Variants in WDR43 observed in about 807,000 individuals in gnomAD.
WDR43 encodes WD repeat-containing protein 43.
A neutral mutation model predicts 91.4 loss-of-function variants in WDR43; 13 were observed. The observed-to-expected ratio is 0.14, with a 90% confidence interval of 0.09 to 0.23. The LOEUF is 0.23. WDR43 is among the 10% of genes least tolerant of loss of function. The pLI is 1.00. For missense variants in WDR43, 780 were observed against 809.4 expected (o/e 0.96, Z 0.44); for synonymous variants, 331 against 287.9 (o/e 1.15, Z -1.51).
chr2:28,929,972 T>C, intron 11 of WDR43: 1 of 565,850 alleles, frequency 1.8e-6, no homozygotes, highest in South Asian at 1.6e-5. Flanking sequence ...TTATTAGGCT[T>C]TAGTTCATAA....
At chr2:28,901,430 C>T (rs1670575870) in intron 1 of WDR43, among the ~76,000 whole-genome samples, 1 of 152,214 alleles carries the variant, frequency 6.6e-6, no homozygotes, top group African/African-American at 2.4e-5. Context: ...CTCTTGTGTG[C>T]TCTGAGCTGC....
chr2:28,901,111 G>A (rs1419826814), intron 1 of WDR43, among the ~76,000 whole-genome samples: 4 of 152,020 alleles, frequency 2.6e-5, no homozygotes. Context: ...CTTTTCTATG[G>A]TATTGGCTTG....
intron 8 of WDR43, 91 bp downstream of exon 8, chr2:28,925,244 G>T: frequency 8.3e-7 from 1 of 1,206,512 alleles, no homozygotes; most frequent in Non-Finnish European, 1.1e-6. Context: ...TGGTCTTTAA[G>T]ATAAATAATA....
Position 28,922,958 on chromosome 2 carries a change from C to G in WDR43, c.889C>G (p.His297Asp). The G allele has an allele frequency of 6.2e-7, 1 of 1,610,810 alleles. No homozygotes were observed. Among genetic ancestry groups the G allele is most frequent in the Non-Finnish European group, 8.5e-7 (1 of 1,179,134 alleles). The change falls in exon 7 of 18, where the codon CAT becomes GAT. Residue 297 changes from histidine to aspartate, a missense_variant. Around this residue, in one of 4 missense-constraint regions of WDR43, gnomAD observed 426 missense variants for 467.8 expected, o/e 0.91. Coordinates refer to ENST00000407426, the MANE Select transcript of WDR43 (RefSeq NM_015131.3). ...TGTTGTTTGCAGAGATGGTCAAGTC[C>G]ATCTTTTTGAACACATATTAAATGG... is the stretch of plus-strand genomic sequence containing the variant. ...LAVVCRDGQV[H>D]LFEHILNGYC...
intron 10 of WDR43, among the ~76,000 whole-genome samples, 165 bp from the exon 11 acceptor site, chr2:28,929,414 T>C (rs1323005244): frequency 6.6e-6 from 1 of 151,894 alleles, no homozygotes; most frequent in Non-Finnish European, 1.5e-5. Flanking sequence ...GTCTCCAACA[T>C]TGGCATTATG....
chr2:28,905,605 T>G (rs1670663423), intron 2 of WDR43, among the ~76,000 whole-genome samples: 1 of 152,146 alleles, frequency 6.6e-6, no homozygotes, highest in Admixed American at 6.5e-5. Flanking sequence ...TATTTATTTT[T>G]AAACAGGAGA....
chr2:28,928,718 G>T (rs1159742748), intron 10 of WDR43, among the ~76,000 whole-genome samples: 2 of 152,148 alleles, frequency 1.3e-5, no homozygotes, highest in Non-Finnish European at 2.9e-5. Flanking sequence ...GTCTCATTCT[G>T]TCACCCAGAC....
intron 6 of WDR43, among the ~76,000 whole-genome samples, chr2:28,919,366 G>A (rs1394148545): frequency 1.3e-5 from 2 of 152,126 alleles, no homozygotes; most frequent in Non-Finnish European, 2.9e-5. Context: ...AAAGATTTTT[G>A]TCTTTAAGAA....
intron 11 of WDR43, among the ~76,000 whole-genome samples, chr2:28,934,234 G>A (rs1345450587): frequency 6.6e-6 from 1 of 152,172 alleles, no homozygotes; most frequent in Non-Finnish European, 1.5e-5. Flanking sequence ...TTCTGGAAAA[G>A]CAGACCAATA....
intron 2 of WDR43, among the ~76,000 whole-genome samples, chr2:28,906,094 CAA>C: frequency 6.6e-6 from 1 of 152,160 alleles, no homozygotes; most frequent in South Asian, 2.1e-4. Context: ...ATATGTAAGA[CAA>C]GTTTTATTTT....
intron 2 of WDR43, among the ~76,000 whole-genome samples, chr2:28,902,919 A>G (rs1670602524): frequency 6.6e-6 from 1 of 152,212 alleles, no homozygotes; most frequent in Non-Finnish European, 1.5e-5. Context: ...TTCTGTATAT[A>G]GGAGTGTTTT....
intron 16 of WDR43, among the ~76,000 whole-genome samples, chr2:28,945,299 C>G (rs998952081): frequency 2.4e-4 from 37 of 152,304 alleles, no homozygotes; most frequent in Middle Eastern, 6.8e-3. Flanking sequence ...AAATCAATTC[C>G]TTAGTTTTAT....
intron 4 of WDR43, among the ~76,000 whole-genome samples, chr2:28,913,081 G>C (rs989349645): frequency 4.6e-5 from 7 of 151,106 alleles, no homozygotes; most frequent in Non-Finnish European, 1.0e-4. Flanking sequence ...AGCCTCCCGA[G>C]TAGCTGGGAC....
intron 6 of WDR43, among the ~76,000 whole-genome samples, chr2:28,919,010 T>C (rs1670968503): frequency 6.6e-6 from 1 of 152,176 alleles, no homozygotes; most frequent in South Asian, 2.1e-4. Flanking sequence ...AATTTTGGTT[T>C]AATGTTTCTG....
At chr2:28,915,770 C>A (rs1160137559) in intron 5 of WDR43, among the ~76,000 whole-genome samples, 2 of 149,972 alleles carry the variant, frequency 1.3e-5, no homozygotes, top group Admixed American at 6.8e-5. Context: ...ATAAATCAAA[C>A]CCCAGTACTA....
chr2:28,920,501 T>G (rs1671003545), intron 6 of WDR43, among the ~76,000 whole-genome samples: 1 of 151,938 alleles, frequency 6.6e-6, no homozygotes, highest in African/African-American at 2.4e-5. Flanking sequence ...GTGCTAGGAT[T>G]ACAGGCATAA....
intron 4 of WDR43, 30 bp downstream of exon 4, chr2:28,912,740 A>C: frequency 2.5e-6 from 4 of 1,608,156 alleles, no homozygotes; most frequent in Non-Finnish European, 3.4e-6. Context: ...TGTAAGCATA[A>C]AAATTATAGA....
intron 16 of WDR43, among the ~76,000 whole-genome samples, chr2:28,943,924 A>C (rs555394938): frequency 2.6e-5 from 4 of 152,290 alleles, no homozygotes; most frequent in Admixed American, 6.5e-5. Flanking sequence ...TGTAATCTCA[A>C]AGTTGACAAT....
At chr2:28,898,638 CAG>C (rs1200954116) in intron 1 of WDR43, among the ~76,000 whole-genome samples, 32 of 151,900 alleles carry the variant, frequency 2.1e-4, no homozygotes, top group Non-Finnish European at 7.4e-5. Context: ...CAGTATTTCT[CAG>C]AGCAGATTTT....
Sources: allele counts gnomAD v4.1 joint callset (sites outside exome capture counted in the v4.1 genomes callset), GRCh38; gene constraint gnomAD v4.1.1; regional missense constraint gnomAD v4.1.1; transcripts MANE v1.5; gene names NCBI Gene and HGNC (gene_info 2026-07-23, HGNC 2026-07-21).